The following PHRF1 variants were observed in gnomAD, a reference collection of about 807,000 sequenced individuals.
The protein encoded by PHRF1 is PHD and RING finger domain-containing protein 1.
PHRF1 carries 53 observed loss-of-function variants against 128.9 expected under a neutral mutation model. The ratio of observed to expected loss-of-function variants is 0.41; its 90% CI spans 0.33 to 0.52. The LOEUF is 0.52. Among genes scored for constraint, PHRF1 ranks in the 20% least tolerant of loss-of-function variants. The pLI, the probability that PHRF1 is intolerant of heterozygous loss-of-function variation, is 0.21. For missense variants in PHRF1, 2,503 were observed against 2,284.5 expected (o/e 1.10, Z -1.95); for synonymous variants, 1,178 against 980.6 (o/e 1.20, Z -3.76).
At position 608,821 on chromosome 11, in the gene PHRF1, A is replaced by G; in HGVS notation, c.3365A>G (p.Glu1122Gly). 1 of 1,612,164 alleles carries G rather than the reference A, an allele frequency of 6.2e-7. No individual in the cohort carries two copies. The highest frequency in any genetic ancestry group is 1.3e-5 in the African/African-American group (1 of 75,022). The change falls in exon 14 of 18, where the codon GAG (glutamate) becomes GGG (glycine). Residue 1122 changes from glutamate to glycine, a missense_variant. Coordinates refer to ENST00000264555, the MANE Select transcript of PHRF1 (RefSeq NM_001286581.2). ...TCAGCGTCCAGACCTCGGGGAAGGGAGTGCTCCCCCACCAGCAGCCTGGAG... is the reference window on the plus strand; with the variant it reads ...TCAGCGTCCAGACCTCGGGGAAGGGGGTGCTCCCCCACCAGCAGCCTGGAG... ...RRSASRPRGR[E>G]CSPTSSLERL...
intron 14 of PHRF1, among the ~76,000 whole-genome samples, 157 bp downstream of exon 14, chr11:609,877 C>T (rs918688910): frequency 5.3e-5 from 8 of 151,826 alleles, no homozygotes; most frequent in African/African-American, 1.5e-4. Flanking sequence ...GAACAGAGCC[C>T]CCTGTGAATC....
Position 608,484 on chromosome 11 carries a change from G to A in PHRF1, c.3028G>A (p.Val1010Met). Residue 1010 changes from valine (V) to methionine (M), a missense_variant, in exon 14 of 18, where the codon GTG (valine) becomes ATG (methionine). Val to Met is a conservative substitution (Grantham distance 21). Transcript: ENST00000264555. ...CAGGAAGAAGGCCAAGAGGAAGAGG[G>A]TGTCCAGGGAGCACGGACGGACGCG... is the stretch of plus-strand genomic sequence containing the variant. ...RSRKKAKRKR[V>M]SREHGRTRSG... 6.2e-7 allele frequency: 1 copy of A among 1,612,492 alleles called. No individual in the cohort carries two copies. The highest frequency in any genetic ancestry group is 8.5e-7 in the Non-Finnish European group (1 of 1,179,838).
intron 3 of PHRF1, among the ~76,000 whole-genome samples, chr11:585,901 G>A (rs960408687): frequency 6.6e-6 from 1 of 151,814 alleles, no homozygotes; most frequent in East Asian, 1.9e-4. Flanking sequence ...TTGCTCTGTT[G>A]CCCAGGCTGG....
At chr11:592,812 G>A (rs1393021630) in intron 6 of PHRF1, 138 bp downstream of exon 6, 13 of 891,120 alleles carry the variant, frequency 1.5e-5, no homozygotes, top group East Asian at 2.5e-5. Context: ...TCAGCAGCGC[G>A]GTTCAGTCCT....
chr11:587,332 T>A lies in PHRF1; in HGVS notation c.288T>A (p.Ala96=), dbSNP rs1260102577. The change falls in exon 4 of 18, where the codon GCT becomes GCA. Residue 96 remains alanine, a synonymous_variant. Transcript: ENST00000264555. ...GTACTCAGGGGAAACTGGAAGCCGCTGGCTCTTTCAATTCTGATGATGATG... is the reference window on the plus strand; with the variant it reads ...GTACTCAGGGGAAACTGGAAGCCGCAGGCTCTTTCAATTCTGATGATGATG... ...VAGTQGKLEA[A]GSFNSDDDAE... is the part of the protein sequence containing the mutation. The A allele has an allele frequency of 7.4e-6, 12 of 1,613,688 alleles. No homozygotes were observed. Among genetic ancestry groups the A allele is most frequent in the Non-Finnish European group, 8.5e-7 (1 of 1,179,910 alleles).
chr11:603,200 C>T (rs1196748779), intron 10 of PHRF1, among the ~76,000 whole-genome samples: 1 of 152,038 alleles, frequency 6.6e-6, no homozygotes, highest in East Asian at 1.9e-4. Context: ...GGACTACAGG[C>T]ATAGCCCACC....
intron 9 of PHRF1, among the ~76,000 whole-genome samples, chr11:599,253 C>CTTTTTTTTTTTTTTT (rs754658303): frequency 8.6e-5 from 9 of 104,978 alleles, no homozygotes; most frequent in East Asian, 2.5e-4. Context: ...TTTTTCTTTT[C>CTTTTTTTTTTTTTTT]TTTTTTTTTT....
intron 17 of PHRF1, among the ~76,000 whole-genome samples, 168 bp from the exon 18 acceptor site, chr11:611,466 A>G (rs1856395101): frequency 1.3e-5 from 2 of 152,182 alleles, no homozygotes; most frequent in South Asian, 4.2e-4. Flanking sequence ...AGCGAACAGG[A>G]CGGGGGTCTC....
rs375916304 is a variant in PHRF1 at position 608,712 on chromosome 11, C to A, written c.3256C>A (p.Arg1086=). 6.2e-7 allele frequency: 1 copy of A among 1,610,666 alleles called. No homozygotes were observed. The highest frequency in any genetic ancestry group is 1.3e-5 in the African/African-American group (1 of 74,666). ...EHRRGPWGHS[R]RTSRSRSGSP... ...CAGGCGGGGCCCCTGGGGCCACAGCCGGAGGACGTCCCGGTCGCGGTCGGG... is the reference window on the plus strand; with the variant it reads ...CAGGCGGGGCCCCTGGGGCCACAGCAGGAGGACGTCCCGGTCGCGGTCGGG... Residue 1086 remains arginine (R), a synonymous_variant, in exon 14 of 18, where the codon CGG becomes AGG. Transcript: ENST00000264555.
At chr11:611,159 T>G in intron 17 of PHRF1, 77 bp downstream of exon 17, 1 of 1,583,990 alleles carries the variant, frequency 6.3e-7, no homozygotes, top group Non-Finnish European at 8.6e-7. Flanking sequence ...AGCATGGACT[T>G]TGGGGTGGCC....
intron 12 of PHRF1, among the ~76,000 whole-genome samples, chr11:606,014 G>A (rs1220917677): frequency 1.3e-5 from 2 of 152,230 alleles, no homozygotes; most frequent in East Asian, 3.9e-4. Flanking sequence ...CAGGGACACC[G>A]CCTCGGGCAG....
intron 10 of PHRF1, among the ~76,000 whole-genome samples, chr11:604,316 G>C (rs531951641): frequency 1.8e-4 from 28 of 152,352 alleles, no homozygotes; most frequent in African/African-American, 6.5e-4. Flanking sequence ...CCGATGGCAC[G>C]TGAGGGTGTT....
rs1481445976 is a variant in PHRF1 at position 597,164 on chromosome 11, G to A, written c.718+144G>A. The A allele has an allele frequency of 1.0e-6, 1 of 992,998 alleles. No homozygotes were observed. The highest frequency in any genetic ancestry group is 2.3e-5 in the Admixed American group (1 of 43,288). The allele number at this position is 992,998 out of a possible 1,614,324, so 61.5% of individuals were successfully genotyped here. On this transcript the variant is annotated intron_variant, in intron 7 of 17. Coordinates refer to ENST00000264555, the MANE Select transcript of PHRF1 (RefSeq NM_001286581.2). The surrounding 1 kb of genome is among the most constrained non-coding windows in gnomAD (Gnocchi z 6.5). ...TTAGGGTTGGCTGCGGTGTCGGGAG[G>A]ACATCTAGGGCTGTCTCGGGCTCGT...
chr11:611,664 C>T lies in PHRF1; in HGVS notation c.4837C>T (p.Pro1613Ser). Residue 1613 changes from proline to serine, a missense_variant, in exon 18 of 18, where the codon CCC becomes TCC. By Grantham distance (74) the Pro-to-Ser change is moderately conservative. Coordinates refer to ENST00000264555, the MANE Select transcript of PHRF1 (RefSeq NM_001286581.2). ...CCACAGCAAGAGTGGAGAGATCAAC[C>T]CCGTGAAGGTGGCCAACCTGGTGAA... ...ICHSKSGEINPVKVANLVKAY... is the reference protein window; with the variant it reads ...ICHSKSGEINSVKVANLVKAY... 6.2e-7 allele frequency: 1 copy of T among 1,613,176 alleles called. No homozygotes were observed. Among genetic ancestry groups the T allele is most frequent in the Non-Finnish European group, 8.5e-7 (1 of 1,179,850 alleles).
At chr11:603,741 T>G (rs1247717574) in intron 10 of PHRF1, among the ~76,000 whole-genome samples, 1 of 147,362 alleles carries the variant, frequency 6.8e-6, no homozygotes, top group Admixed American at 6.8e-5. Flanking sequence ...TTTTTTTTTT[T>G]TTTTTTTTTT....
intron 17 of PHRF1, 93 bp downstream of exon 17, chr11:611,175 T>G: frequency 6.4e-7 from 1 of 1,557,028 alleles, no homozygotes; most frequent in South Asian, 1.2e-5. Flanking sequence ...TGGCCATGAG[T>G]GCAGGCCCGA....
intron 4 of PHRF1, among the ~76,000 whole-genome samples, chr11:589,766 G>A (rs1021020991): frequency 2.6e-5 from 4 of 152,194 alleles, no homozygotes; most frequent in Non-Finnish European, 4.4e-5. Flanking sequence ...AAACGGGCAC[G>A]GAGCATGTCA....
rs774935272 is a variant in PHRF1, at chr11:609,291, G to A, written c.3835G>A (p.Val1279Ile). ...HVFDDFSSDA[V>I]FIQLDDMSSP... ...CTTTGATGATTTCTCAAGCGACGCC[G>A]TTTTCATCCAGCTCGATGACATGAG... The change falls in exon 14 of 18, where the codon GTT (valine) becomes ATT (isoleucine). Residue 1279 changes from valine to isoleucine, a missense_variant. Transcript: ENST00000264555. The A allele has an allele frequency of 1.7e-5, 27 of 1,612,328 alleles. No individual in the cohort carries two copies. Among genetic ancestry groups the A allele is most frequent in the African/African-American group, 1.1e-4 (8 of 74,934 alleles).
chr11:580,117 G>A (rs1854119571), intron 1 of PHRF1, among the ~76,000 whole-genome samples: 2 of 152,208 alleles, frequency 1.3e-5, no homozygotes, highest in Non-Finnish European at 2.9e-5. Flanking sequence ...GGTTGGACTT[G>A]GTGGGAAACA....
Sources: gnomAD v4.1 joint callset for allele counts (sites outside exome capture counted in the v4.1 genomes callset) on GRCh38, gnomAD v4.1.1 for gene constraint, Gnocchi (gnomAD v3.1) non-coding constraint, MANE v1.5 for transcripts, NCBI Gene and HGNC (gene_info 2026-07-23, HGNC 2026-07-21) for gene names.